Variants in HMCN1 observed in about 807,000 individuals in gnomAD.
HMCN1 encodes the protein hemicentin-1.
A neutral mutation model predicts 625.9 loss-of-function variants in HMCN1; 321 were observed. The observed-to-expected ratio is 0.51, with a 90% CI of 0.47 to 0.56. The LOEUF (loss-of-function observed/expected upper bound fraction) is 0.56, where lower values mean the gene tolerates loss of function less well. HMCN1 is among the 20% of genes least tolerant of loss of function. HMCN1 has a pLI of 0.00. For synonymous variants in HMCN1, 2,425 were observed against 2,417.6 expected (o/e 1.00, Z -0.09); for missense variants, 6,588 against 6,887.3 (o/e 0.96, Z 1.54).
chr1:186,087,782 T>A (rs1472963287), intron 60 of HMCN1, 137 bp downstream of exon 60: 5 of 1,163,712 alleles, frequency 4.3e-6, no homozygotes, highest in Non-Finnish European at 6.4e-6. Flanking sequence ...TGCCATTGAC[T>A]ATTTTTATAA....
intron 30 of HMCN1, among the ~76,000 whole-genome samples, chr1:186,008,701 T>C (rs1487312505): frequency 1.3e-5 from 2 of 152,228 alleles, no homozygotes; most frequent in Non-Finnish European, 1.5e-5. Context: ...ACCTATGCAG[T>C]AGTGTTATTG....
chr1:186,069,795 C>T lies in HMCN1; in HGVS notation c.7993+19C>T. 1.3e-6 allele frequency: 2 copies of T among 1,526,726 alleles called. No individual in the cohort carries two copies. Among genetic ancestry groups the T allele is most frequent in the Non-Finnish European group, 9.1e-7 (1 of 1,102,922 alleles). The allele number at this position is 1,526,726 out of a possible 1,614,324, so 94.6% of individuals were successfully genotyped here. On this transcript the variant is annotated intron_variant, in intron 51 of 106. Coordinates refer to ENST00000271588, the MANE Select transcript of HMCN1 (RefSeq NM_031935.3). Reference sequence around the variant, plus strand: ...GTGTACAGTAAGTTCTGAAAGAATACTATGTTTCATAGCTTCCCCAATTTT... The same window carrying T: ...GTGTACAGTAAGTTCTGAAAGAATATTATGTTTCATAGCTTCCCCAATTTT...
At chr1:186,015,077 G>GTT in intron 30 of HMCN1, 82 bp from the exon 31 acceptor site, 2 of 1,244,204 alleles carry the variant, frequency 1.6e-6, no homozygotes, top group South Asian at 2.4e-5. Context: ...TAAATGCATT[G>GTT]TTTAAACATC....
At chr1:185,836,610 C>A (rs1417668517) in intron 1 of HMCN1, among the ~76,000 whole-genome samples, 1 of 152,040 alleles carries the variant, frequency 6.6e-6, no homozygotes, top group Admixed American at 6.6e-5. Flanking sequence ...TAACAAAGAG[C>A]GAAATGACTT....
chr1:185,837,581 G>A (rs948332853), intron 1 of HMCN1, among the ~76,000 whole-genome samples: 7 of 151,248 alleles, frequency 4.6e-5, no homozygotes, highest in Non-Finnish European at 1.0e-4. Flanking sequence ...TTTCCTTTGT[G>A]ATCTCTTATA....
intron 80 of HMCN1, among the ~76,000 whole-genome samples, chr1:186,121,660 C>CTA (rs1457000889): frequency 6.6e-6 from 1 of 151,972 alleles, no homozygotes; most frequent in Non-Finnish European, 1.5e-5. Context: ...ATTAGAAATC[C>CTA]TAGTGGAGAT....
chr1:186,062,178 C>A (rs1053223378), intron 47 of HMCN1, among the ~76,000 whole-genome samples: 1 of 152,038 alleles, frequency 6.6e-6, no homozygotes, highest in African/African-American at 2.4e-5. Context: ...AATTGCTCAA[C>A]AATATTCTGA....
chr1:186,081,832 A>G (rs1659185762), intron 56 of HMCN1, among the ~76,000 whole-genome samples: 1 of 152,214 alleles, frequency 6.6e-6, no homozygotes, highest in Admixed American at 6.5e-5. Context: ...GTTGTTTACC[A>G]ATGGTGTGTC....
intron 104 of HMCN1, 36 bp downstream of exon 104, chr1:186,178,802 G>T (rs1475459964): frequency 7.4e-7 from 1 of 1,358,866 alleles, no homozygotes; most frequent in Admixed American, 1.7e-5. Context: ...CTTTCTGTGG[G>T]CTCTCTTACT....
At chr1:186,056,913 A>G (rs550359268) in intron 45 of HMCN1, among the ~76,000 whole-genome samples, 3 of 151,974 alleles carry the variant, frequency 2.0e-5, no homozygotes, top group Admixed American at 6.6e-5. Context: ...TGAAATTGCA[A>G]TTAAAAAAAA....
At chr1:186,141,177 T>C (rs1326064346) in intron 89 of HMCN1, among the ~76,000 whole-genome samples, 1 of 152,128 alleles carries the variant, frequency 6.6e-6, no homozygotes, top group Non-Finnish European at 1.5e-5. Flanking sequence ...ATGCCACTGC[T>C]GATCTGACAG....
intron 36 of HMCN1, among the ~76,000 whole-genome samples, chr1:186,026,819 G>A (rs1385637953): frequency 6.6e-6 from 1 of 151,990 alleles, no homozygotes; most frequent in Non-Finnish European, 1.5e-5. Context: ...ACTTTTTGTA[G>A]AGATGGGATT....
chr1:185,902,714 G>A (rs535861790), intron 4 of HMCN1, among the ~76,000 whole-genome samples: 20 of 151,630 alleles, frequency 1.3e-4, no homozygotes, highest in African/African-American at 3.4e-4. Flanking sequence ...TTTGTTACTC[G>A]TAGCCTAAGT....
At chr1:185,924,695 GTTC>G (rs1474181633) in intron 8 of HMCN1, among the ~76,000 whole-genome samples, 3 of 151,582 alleles carry the variant, frequency 2.0e-5, no homozygotes, top group Non-Finnish European at 1.5e-5. Context: ...AGATATGTGG[GTTC>G]TTAAGTTTTT....
chr1:186,087,191 A>G (rs1314845815), intron 58 of HMCN1, 26 bp from the exon 59 acceptor site: 9 of 1,440,596 alleles, frequency 6.2e-6, no homozygotes, highest in South Asian at 5.7e-5. Flanking sequence ...ATACCACTCT[A>G]CAATTTGCAT....
chr1:186,130,777 A>G (rs563007648), intron 85 of HMCN1, 80 bp downstream of exon 85: 2 of 1,190,740 alleles, frequency 1.7e-6, no homozygotes, highest in East Asian at 2.4e-5. Flanking sequence ...GATAAGAAAC[A>G]TTTCTCTTAC....
intron 1 of HMCN1, among the ~76,000 whole-genome samples, chr1:185,811,951 A>T (rs1468109889): frequency 6.6e-6 from 1 of 152,212 alleles, no homozygotes. Flanking sequence ...AAGAATTATG[A>T]TGTTATAGAA....
chr1:185,962,397 C>A, intron 11 of HMCN1, 121 bp from the exon 12 acceptor site: 1 of 791,926 alleles, frequency 1.3e-6, no homozygotes, highest in Non-Finnish European at 2.3e-6. Context: ...TGATGGGGTT[C>A]ATCCATAGAG....
At chr1:185,787,141 A>ATGTGTG (rs375544191) in intron 1 of HMCN1, among the ~76,000 whole-genome samples, 1,888 of 141,318 alleles carry the variant, frequency 0.013, 16 homozygotes, top group South Asian at 0.021. Flanking sequence ...GCCATGATGT[A>ATGTGTG]TGTGTGTGTG....
Sources: allele counts gnomAD v4.1 joint callset (sites outside exome capture counted in the v4.1 genomes callset), GRCh38; gene constraint gnomAD v4.1.1; transcripts MANE v1.5; gene names NCBI Gene and HGNC (gene_info 2026-07-23, HGNC 2026-07-21).